The following TENM3 variants were observed in gnomAD, a reference collection of about 807,000 sequenced individuals.
TENM3 encodes the protein teneurin transmembrane protein 3.
Under a neutral mutation model 255.1 loss-of-function variants are expected in TENM3, and 63 were observed. The ratio of observed to expected loss-of-function variants is 0.25; its 90% CI spans 0.20 to 0.30. The LOEUF (loss-of-function observed/expected upper bound fraction) is 0.30, where lower values mean the gene tolerates loss of function less well. TENM3 is among the 10% of genes least tolerant of loss of function. TENM3 has a pLI of 1.00. For synonymous variants in TENM3, 1,306 were observed against 1,322.3 expected, an observed-to-expected ratio of 0.99 and a Z score of 0.27; for missense variants, 2,929 against 3,461.1, an observed-to-expected ratio of 0.85 and a Z score of 3.86.
At chr4:181,536,363 C>T in the TENM3 span, among the ~76,000 whole-genome samples, 163 of 152,318 alleles carry the variant, frequency 1.1e-3, no homozygotes, top group African/African-American at 3.6e-3. Flanking sequence ...CCTTACTGCT[C>T]ATCTGAAGTG....
chr4:181,611,172 T>C, the TENM3 span, among the ~76,000 whole-genome samples: 4 of 152,326 alleles, frequency 2.6e-5, no homozygotes, highest in African/African-American at 9.6e-5. Flanking sequence ...GCTGCAGTAC[T>C]TGTAGGCGAA....
the TENM3 span, among the ~76,000 whole-genome samples, chr4:181,640,028 T>A: frequency 2.5e-4 from 38 of 152,178 alleles, 1 homozygote; most frequent in Admixed American, 9.8e-4. Context: ...GGTACCCAAG[T>A]GTATCAGCCA....
At chr4:182,507,860 A>G (rs1736996524) in intron 3 of TENM3, among the ~76,000 whole-genome samples, 1 of 152,224 alleles carries the variant, frequency 6.6e-6, no homozygotes, top group South Asian at 2.1e-4. Flanking sequence ...CTTAGGTTAC[A>G]TTCTTATAGA....
the TENM3 span, among the ~76,000 whole-genome samples, chr4:181,528,104 A>G: frequency 6.6e-6 from 1 of 152,272 alleles, no homozygotes; most frequent in East Asian, 1.9e-4. Flanking sequence ...AACAGAAATG[A>G]AATTATTTTG....
chr4:182,164,619 A>C (rs147511824), intron 1 of TENM3, among the ~76,000 whole-genome samples: 1 of 152,302 alleles, frequency 6.6e-6, no homozygotes, highest in Non-Finnish European at 1.5e-5. Flanking sequence ...AACATAATAC[A>C]TAATGGAAGA....
At chr4:181,449,208 G>A in the TENM3 span, among the ~76,000 whole-genome samples, 2 of 152,116 alleles carry the variant, frequency 1.3e-5, no homozygotes, top group South Asian at 2.1e-4. Flanking sequence ...ATGAAATTAA[G>A]AGCATGAATG....
At chr4:182,030,430 C>G in the TENM3 span, among the ~76,000 whole-genome samples, 2 of 152,142 alleles carry the variant, frequency 1.3e-5, no homozygotes, top group South Asian at 4.2e-4. Context: ...TTTCATGACT[C>G]CATAGAATTC....
intron 1 of TENM3, among the ~76,000 whole-genome samples, chr4:182,185,018 G>A (rs577748129): frequency 6.6e-6 from 1 of 152,134 alleles, no homozygotes; most frequent in South Asian, 2.1e-4. Flanking sequence ...GGGAGGTGGA[G>A]GTTGCAGTGA....
the TENM3 span, among the ~76,000 whole-genome samples, chr4:181,981,271 A>C: frequency 3.9e-5 from 6 of 152,124 alleles, no homozygotes; most frequent in Non-Finnish European, 5.9e-5. Context: ...TAACTAACGA[A>C]TTTTTGCATG....
intron 3 of TENM3, among the ~76,000 whole-genome samples, chr4:182,438,136 A>G (rs898850224): frequency 3.3e-5 from 5 of 152,164 alleles, no homozygotes; most frequent in African/African-American, 4.8e-5. Context: ...TCAGAAGAAT[A>G]ATATCCTGAA....
At chr4:182,259,781 T>TTG (rs1758664511) in intron 1 of TENM3, among the ~76,000 whole-genome samples, 2 of 152,224 alleles carry the variant, frequency 1.3e-5, no homozygotes, top group Non-Finnish European at 2.9e-5. Context: ...GAAATTCTTT[T>TTG]GTAGTTATTT....
chr4:181,957,540 T>A, the TENM3 span, among the ~76,000 whole-genome samples: 1 of 152,196 alleles, frequency 6.6e-6, no homozygotes, highest in Non-Finnish European at 1.5e-5. Flanking sequence ...TTCTTCTTGT[T>A]TAAAGAGACA....
At chr4:181,885,167 C>T in the TENM3 span, among the ~76,000 whole-genome samples, 34 of 152,186 alleles carry the variant, frequency 2.2e-4, no homozygotes, top group Non-Finnish European at 1.0e-4. Flanking sequence ...TACTTACTTC[C>T]TGAGAATGCC....
intron 1 of TENM3, among the ~76,000 whole-genome samples, chr4:182,207,601 A>G (rs527369878): frequency 5.9e-5 from 9 of 152,274 alleles, no homozygotes; most frequent in African/African-American, 1.9e-4. Flanking sequence ...TAACTTACAC[A>G]TCACTTAGGG....
the TENM3 span, among the ~76,000 whole-genome samples, chr4:181,643,696 A>G: frequency 1.3e-5 from 2 of 152,202 alleles, no homozygotes; most frequent in African/African-American, 4.8e-5. Flanking sequence ...AGTAAGATAA[A>G]GAACTCTTTC....
chr4:182,169,329 T>C (rs1220495447), intron 1 of TENM3: 1 of 477,896 alleles, frequency 2.1e-6, no homozygotes, highest in South Asian at 1.5e-5. Flanking sequence ...TTTGAATGTT[T>C]ATTGTAAAGA....
In TENM3 at chr4:182,679,878, T is replaced by C. The variant is rs201547112; in HGVS notation, c.1537+2T>C. 1 of 1,602,122 alleles carries C rather than the reference T, an allele frequency of 6.2e-7. No homozygotes were observed. The highest frequency in any genetic ancestry group is 8.5e-7 in the Non-Finnish European group (1 of 1,173,194). On this transcript the variant is annotated splice_donor_variant, in intron 8 of 27. Transcript: ENST00000511685. LOFTEE classifies it high-confidence loss of function. ...TGTCTTTTAATACCATTGTTATAGG[T>C]AAGAATAGTCTTCAAAGCAGCATTT...
chr4:182,279,777 G>T (rs1760252578), intron 1 of TENM3, among the ~76,000 whole-genome samples: 1 of 151,986 alleles, frequency 6.6e-6, no homozygotes, highest in African/African-American at 2.4e-5. Flanking sequence ...TATAATTTTT[G>T]CTGTAAACTC....
At chr4:181,706,696 A>G in the TENM3 span, among the ~76,000 whole-genome samples, 1 of 152,218 alleles carries the variant, frequency 6.6e-6, no homozygotes, top group East Asian at 1.9e-4. Context: ...GGTTGACCTC[A>G]CTGCGCTGTG....
Sources: gnomAD v4.1 joint callset for allele counts (sites outside exome capture counted in the v4.1 genomes callset) on GRCh38, gnomAD v4.1.1 for gene constraint, MANE v1.5 for transcripts, NCBI Gene and HGNC (gene_info 2026-07-23, HGNC 2026-07-21) for gene names.